FMNL3: variants seen among roughly 807,000 people sequenced by gnomAD.
The protein encoded by FMNL3 is formin-like protein 3.
In FMNL3, 57 loss-of-function variants were observed where a neutral mutation model predicts 119.6. The ratio of observed to expected loss-of-function variants is 0.48; its 90% CI spans 0.39 to 0.59. The LOEUF (loss-of-function observed/expected upper bound fraction) is 0.59, where lower values mean the gene tolerates loss of function less well. FMNL3 is among the 20% of genes least tolerant of loss of function. FMNL3 has a pLI of 0.00. For missense variants in FMNL3, 1,053 were observed against 1,323.5 expected (o/e 0.80, Z 3.17); for synonymous variants, 491 against 507.3 (o/e 0.97, Z 0.43).
In FMNL3 at chr12:49,649,313, C is replaced by G; in HGVS notation, c.2331G>C (p.Met777Ile). 6.2e-7 allele frequency: 1 copy of G among 1,614,200 alleles called. No homozygotes were observed. The highest frequency in any genetic ancestry group is 1.3e-5 in the African/African-American group (1 of 75,054). Residue 777 changes from methionine (M) to isoleucine (I), a missense_variant, in exon 20 of 26, where the codon ATG (methionine) becomes ATC (isoleucine). Met to Ile is a conservative substitution (Grantham distance 10). Transcript: ENST00000335154. This position sits in a 1 kb window ranked among gnomAD's most constrained non-coding sequence, Gnocchi z 5.6. ...ACACAGCTCCCCGCTTGCTGCTGTT[C>G]ATGTAGTTCCCCAGTGCAAGTATGA... ...LEIILALGNY[M>I]NSSKRGAVYG...
chr12:49,641,645 G>T lies in FMNL3; in HGVS notation c.*4170C>A. ...AGCCAAAGGAACAAAAGTTAATTTTGAGAAACTCAGCATTAATCAGCAGTT... is the reference window on the plus strand; with the variant it reads ...AGCCAAAGGAACAAAAGTTAATTTTTAGAAACTCAGCATTAATCAGCAGTT... On this transcript the variant is annotated 3_prime_UTR_variant, in exon 26 of 26. Coordinates refer to ENST00000335154, the MANE Select transcript of FMNL3 (RefSeq NM_175736.5). The T allele has an allele frequency of 2.2e-6, 1 of 460,670 alleles. No individual in the cohort carries two copies. The highest frequency in any genetic ancestry group is 3.6e-5 in the East Asian group (1 of 27,436). 28.5% of individuals were successfully genotyped at this position (460,670 alleles called of 1,614,324 possible). A position where few individuals can be genotyped will look rare whatever the true frequency, so the allele number is the denominator to read the frequency against.
In FMNL3 at chr12:49,653,775, TG is replaced by T. The variant is rs770223374; in HGVS notation, c.1170del (p.Lys391ArgfsTer3). The part of the protein sequence containing the change: ...DVGGLLEDAE[T>X]KNVALEKVEE... ...TCCACCTTCTCCAGGGCTACATTCT[TG>T]GTCTCAGCATCCTCCAACAAACCCC... On this transcript the variant is annotated frameshift_variant, in exon 12 of 26. Coordinates refer to ENST00000335154, the MANE Select transcript of FMNL3 (RefSeq NM_175736.5). LOFTEE classifies it high-confidence loss of function. 6.2e-7 allele frequency: 1 copy of T among 1,614,204 alleles called. No homozygotes were observed. Among genetic ancestry groups the T allele is most frequent in the South Asian group, 1.1e-5 (1 of 91,080 alleles).
At position 49,643,371 on chromosome 12, in the gene FMNL3, C is replaced by T; in HGVS notation, c.*2444G>A. The T allele has an allele frequency of 6.4e-7, 1 of 1,573,074 alleles. No individual in the cohort carries two copies. The stretch of plus-strand genomic sequence containing the variant: ...GGTGCTGCCCTTGGAGGACGGGGCT[C>T]CCCTTCCTCCCATCTTCTTGGAGCA... On this transcript the variant is annotated 3_prime_UTR_variant, in exon 26 of 26. Transcript: ENST00000335154.
At chr12:49,667,333 C>A (rs566679182) in intron 2 of FMNL3, among the ~76,000 whole-genome samples, 19 of 152,282 alleles carry the variant, frequency 1.2e-4, no homozygotes, top group South Asian at 2.1e-4. Flanking sequence ...ACTGAGAGAT[C>A]AATTAAAGAC....
At position 49,658,487 on chromosome 12, in the gene FMNL3, G is replaced by A. The variant is rs753891247; in HGVS notation, c.560C>T (p.Pro187Leu). The change falls in exon 6 of 26, where the codon CCC becomes CTC. Residue 187 changes from proline to leucine, a missense_variant. By Grantham distance (98) the Pro-to-Leu change is moderately conservative. Transcript: ENST00000335154. ...AGAGCGAGCGAGGCTGTTGGTGAAG[G>A]GGGCCGACAGGGCGCTGGGTGGCTG... The part of the protein sequence containing the change: ...DLQPPSALSA[P>L]FTNSLARSAR... 3.3e-5 allele frequency: 54 copies of A among 1,613,128 alleles called. No homozygotes were observed. The highest frequency in any genetic ancestry group is 4.5e-5 in the Non-Finnish European group (53 of 1,179,478).
At chr12:49,673,973 C>T (rs902877282) in intron 1 of FMNL3, among the ~76,000 whole-genome samples, 2 of 152,220 alleles carry the variant, frequency 1.3e-5, no homozygotes, top group African/African-American at 2.4e-5. Context: ...ATGGGAAGTA[C>T]GGCAGCCCCT....
chr12:49,641,721 T>G lies in FMNL3; in HGVS notation c.*4094A>C, dbSNP rs1251780285. On this transcript the variant is annotated 3_prime_UTR_variant, in exon 26 of 26. Transcript: ENST00000335154. Reference sequence around the variant, plus strand: ...CTCTGTGTGACATCCAAACCAAGGGTAGGCATGGGGGCTTAATTGTCAAGT... The same window carrying G: ...CTCTGTGTGACATCCAAACCAAGGGGAGGCATGGGGGCTTAATTGTCAAGT... 1 of 586,774 alleles carries G rather than the reference T, an allele frequency of 1.7e-6. No individual in the cohort carries two copies. Among genetic ancestry groups the G allele is most frequent in the Non-Finnish European group, 3.0e-6 (1 of 329,682 alleles). The allele number at this position is 586,774 out of a possible 1,614,324, so 36.3% of individuals were successfully genotyped here.
At chr12:49,662,618 G>A (rs1471518730) in intron 4 of FMNL3, among the ~76,000 whole-genome samples, 2 of 152,168 alleles carry the variant, frequency 1.3e-5, no homozygotes, top group African/African-American at 4.8e-5. Flanking sequence ...TCTGTATTTA[G>A]TCATGTTGAG....
At chr12:49,693,523 A>G (rs12299743) in intron 1 of FMNL3, among the ~76,000 whole-genome samples, 3,673 of 150,610 alleles carry the variant, frequency 0.024, 131 homozygotes, top group African/African-American at 0.081. Context: ...GACTATAAGC[A>G]CGCACCACTA....
intron 1 of FMNL3, among the ~76,000 whole-genome samples, chr12:49,700,550 A>G (rs1030684493): frequency 4.0e-5 from 6 of 149,358 alleles, no homozygotes; most frequent in African/African-American, 1.5e-4. Context: ...ACCCATCTCT[A>G]ATGAAACTAC....
At position 49,642,967 on chromosome 12, in the gene FMNL3, A is replaced by G. The variant is rs199808082; in HGVS notation, c.*2848T>C. 4.0e-5 allele frequency: 64 copies of G among 1,613,770 alleles called. No individual in the cohort carries two copies. Among genetic ancestry groups the G allele is most frequent in the South Asian group, 4.0e-4 (36 of 91,024 alleles). ...CACCTCCACACCAAAGGCCGAAAGCATGGCAGGAAAGGCAAGAAGCACCAT... is the reference window on the plus strand; with the variant it reads ...CACCTCCACACCAAAGGCCGAAAGCGTGGCAGGAAAGGCAAGAAGCACCAT... On this transcript the variant is annotated 3_prime_UTR_variant, in exon 26 of 26. Transcript: ENST00000335154. The surrounding 1 kb of genome is among the most constrained non-coding windows in gnomAD (Gnocchi z 5.8).
intron 6 of FMNL3, 82 bp from the exon 7 acceptor site, chr12:49,657,272 C>T: frequency 9.0e-7 from 1 of 1,105,454 alleles, no homozygotes; most frequent in Non-Finnish European, 1.4e-6. Flanking sequence ...ACCCGGACAG[C>T]AGGCTGCCCC....
At chr12:49,653,360 C>T in intron 12 of FMNL3, 33 bp from the exon 13 acceptor site, 1 of 1,606,326 alleles carries the variant, frequency 6.2e-7, no homozygotes, top group Non-Finnish European at 8.5e-7. Flanking sequence ...TCTGTGCTGG[C>T]CCTAAAGCCT....
chr12:49,652,009 G>A lies in FMNL3; in HGVS notation c.1527C>T (p.Ala509=). 1 of 1,606,990 alleles carries A rather than the reference G, an allele frequency of 6.2e-7. No homozygotes were observed. Among genetic ancestry groups the A allele is most frequent in the Non-Finnish European group, 8.5e-7 (1 of 1,176,808 alleles). The change falls in exon 14 of 26, where the codon GCC becomes GCT. Residue 509 remains alanine, a synonymous_variant. Transcript: ENST00000335154. ...GAGGCAGGACCTCCTCAGGGGGTGG[G>A]GCTGGAGCCAGAAGGTCCAGGTCGG... The part of the protein sequence containing the change: ...PPSDLDLLAP[A]PPPEEVLPLP...
intron 25 of FMNL3, chr12:49,646,665 A>G: frequency 6.5e-7 from 1 of 1,534,790 alleles, no homozygotes; most frequent in African/African-American, 1.4e-5. Context: ...TTGGGGGCTA[A>G]CAGTTTGACT....
intron 13 of FMNL3, among the ~76,000 whole-genome samples, chr12:49,652,630 C>T (rs1027402549): frequency 6.6e-6 from 1 of 152,198 alleles, no homozygotes; most frequent in Non-Finnish European, 1.5e-5. Flanking sequence ...AAACAAGACC[C>T]TGTCTTAACC....
At position 49,643,857 on chromosome 12, in the gene FMNL3, AC is replaced by A; in HGVS notation, c.*1957del. 1 of 1,614,128 alleles carries A rather than the reference AC, an allele frequency of 6.2e-7. No individual in the cohort carries two copies. The highest frequency in any genetic ancestry group is 8.5e-7 in the Non-Finnish European group (1 of 1,180,006). On this transcript the variant is annotated 3_prime_UTR_variant, in exon 26 of 26. Transcript: ENST00000335154. The stretch of plus-strand genomic sequence containing the variant: ...CTGAGGAGGTGGGCTCTGGACTCTT[AC>A]AGAATAGTCCTGAGAGTGAGACAGA...
chr12:49,665,813 T>C lies in FMNL3; in HGVS notation c.368+19A>G, dbSNP rs563299035. The C allele has an allele frequency of 2.5e-6, 4 of 1,613,984 alleles. No homozygotes were observed. The highest frequency in any genetic ancestry group is 3.4e-6 in the Non-Finnish European group (4 of 1,179,830). On this transcript the variant is annotated intron_variant, in intron 4 of 25. Coordinates refer to ENST00000335154, the MANE Select transcript of FMNL3 (RefSeq NM_175736.5). ...AGCCTGGGGCCAGATGAAGAGGCTA[T>C]ACGGCCAATCCAACTCACCCAATGT...
chr12:49,706,884 C>CG (rs1157305156), intron 1 of FMNL3, among the ~76,000 whole-genome samples, 171 bp downstream of exon 1: 1 of 143,440 alleles, frequency 7.0e-6, no homozygotes, highest in African/African-American at 2.5e-5. Context: ...CGGGGCTGTC[C>CG]GGGCCGGCCA....
Sources: gnomAD v4.1 joint callset for allele counts (sites outside exome capture counted in the v4.1 genomes callset) on GRCh38, gnomAD v4.1.1 for gene constraint, Gnocchi (gnomAD v3.1) non-coding constraint, MANE v1.5 for transcripts, NCBI Gene and HGNC (gene_info 2026-07-23, HGNC 2026-07-21) for gene names.